The following PLPP4 variants were observed in gnomAD, a reference collection of about 807,000 sequenced individuals.
The protein encoded by PLPP4 is diacylglycerol pyrophosphate like 2.
Under a neutral mutation model 32.2 loss-of-function variants are expected in PLPP4, and 20 were observed. The observed-to-expected ratio is 0.62, with a 90% CI of 0.44 to 0.90. PLPP4 has a LOEUF of 0.90. PLPP4 is among the 40% of genes least tolerant of loss of function. The pLI is 0.00. For synonymous variants in PLPP4, 127 were observed against 133.0 expected (o/e 0.95, Z 0.31); for missense variants, 257 against 353.1 (o/e 0.73, Z 2.18).
chr10:120,504,886 A>C (rs1845423809), intron 2 of PLPP4, among the ~76,000 whole-genome samples: 1 of 152,194 alleles, frequency 6.6e-6, no homozygotes, highest in Non-Finnish European at 1.5e-5. Context: ...CTGTGCTTCA[A>C]CCTCTTGAGA....
rs1441278709 is a variant in PLPP4 at position 120,484,619 on chromosome 10, A to T, written c.57-19199A>T. On this transcript the variant is annotated intron_variant, in intron 1 of 6. Coordinates refer to ENST00000398250, the MANE Select transcript of PLPP4 (RefSeq NM_001030059.3). Reference sequence around the variant, plus strand: ...TACCTCTTAAAGTTCCCATGTCTTAATATGCTGCATTAGGGATCAAGTTTG... The same window carrying T: ...TACCTCTTAAAGTTCCCATGTCTTATTATGCTGCATTAGGGATCAAGTTTG... Among the ~76,000 whole-genome samples the T allele has an allele frequency of 3.3e-5, 5 of 152,216 alleles. No homozygotes were observed. The East Asian group carries it at 9.6e-4, about 29-fold the overall frequency.
At chr10:120,565,753 TTTC>T (rs2134025217) in intron 5 of PLPP4, among the ~76,000 whole-genome samples, 2 of 152,272 alleles carry the variant, frequency 1.3e-5, no homozygotes, top group South Asian at 2.1e-4. Flanking sequence ...TACTTGAATA[TTTC>T]TTCTTCTCCA....
intron 5 of PLPP4, among the ~76,000 whole-genome samples, chr10:120,573,848 A>G (rs754619477): frequency 6.6e-6 from 1 of 152,122 alleles, no homozygotes; most frequent in Non-Finnish European, 1.5e-5. Flanking sequence ...GAGGATCTGC[A>G]TTTGTCACAA....
In PLPP4 at chr10:120,546,926, T is replaced by C. The variant is rs1404846295; in HGVS notation, c.445+25831T>C. ...AAGAATTAAAAGCACAGTTCTATGA[T>C]TGTTTTCAGCACTGGATAATTTGTT... is the stretch of plus-strand genomic sequence containing the variant. On this transcript the variant is annotated intron_variant, in intron 5 of 6. Coordinates refer to ENST00000398250, the MANE Select transcript of PLPP4 (RefSeq NM_001030059.3). 9.8e-5 allele frequency among the ~76,000 whole-genome samples: 15 copies of C among 152,346 alleles called. No individual in the cohort carries two copies. The South Asian group carries it at 2.7e-3, about 27-fold the overall frequency.
chr10:120,529,515 G>GAA, intron 5 of PLPP4, among the ~76,000 whole-genome samples: 1 of 151,990 alleles, frequency 6.6e-6, no homozygotes, highest in East Asian at 1.9e-4. Context: ...TGATTTCTAT[G>GAA]AAAAAAAGAT....
At chr10:120,554,317 A>G (rs751882575) in intron 5 of PLPP4, among the ~76,000 whole-genome samples, 2 of 152,152 alleles carry the variant, frequency 1.3e-5, no homozygotes, top group African/African-American at 4.8e-5. Flanking sequence ...TAATTTTCAA[A>G]AAGTTCCTCA....
chr10:120,540,809 C>T (rs1322363346), intron 5 of PLPP4, among the ~76,000 whole-genome samples: 2 of 152,168 alleles, frequency 1.3e-5, no homozygotes, highest in African/African-American at 2.4e-5. Context: ...ACAATTACTT[C>T]TGAAGGAAGA....
At position 120,522,107 on chromosome 10, in the gene PLPP4, G is replaced by A. The variant is rs117255253; in HGVS notation, c.445+1012G>A. On this transcript the variant is annotated intron_variant, in intron 5 of 6. Coordinates refer to ENST00000398250, the MANE Select transcript of PLPP4 (RefSeq NM_001030059.3). ...TAATTGGAGAACTATGGTCACAGGT[G>A]ACCATCTTGAATAGGACAGGCTCTT... Among the ~76,000 whole-genome samples, 526 of 152,278 alleles carry A rather than the reference G, an allele frequency of 3.5e-3. 2 individuals are homozygous for A. Among genetic ancestry groups the A allele is most frequent in the Non-Finnish European group, 6.4e-3 (432 of 68,020 alleles).
At chr10:120,557,962 G>A (rs1848235803) in intron 5 of PLPP4, among the ~76,000 whole-genome samples, 1 of 151,888 alleles carries the variant, frequency 6.6e-6, no homozygotes, top group Non-Finnish European at 1.5e-5. Flanking sequence ...ACAGTGAAAT[G>A]TATGTACAAA....
Position 120,575,300 on chromosome 10 carries a change from A to G in PLPP4, c.615A>G (p.Gln205=). 2 of 1,613,518 alleles carry G rather than the reference A, an allele frequency of 1.2e-6. No homozygotes were observed. Among genetic ancestry groups the G allele is most frequent in the Non-Finnish European group, 1.7e-6 (2 of 1,179,594 alleles). ...TGTGCGACTACAAGCATCACTGGCA[A>G]GGTGAGTCCCTGCCCAGGGCCTGAC... ...SRMCDYKHHW[Q]DSFVGGVIGL... Residue 205 remains glutamine (Q), a splice_region_variant and synonymous_variant, in exon 6 of 7, where the codon CAA becomes CAG. Transcript: ENST00000398250.
chr10:120,562,922 C>T (rs1202212276), intron 5 of PLPP4, among the ~76,000 whole-genome samples: 1 of 152,058 alleles, frequency 6.6e-6, no homozygotes, highest in African/African-American at 2.4e-5. Flanking sequence ...CCTACAAAAT[C>T]CATGAAAATT....
intron 6 of PLPP4, among the ~76,000 whole-genome samples, chr10:120,583,417 G>A (rs1192541264): frequency 1.3e-5 from 2 of 152,000 alleles, no homozygotes; most frequent in Non-Finnish European, 2.9e-5. Context: ...CTCATCTGGT[G>A]TCAATTCTCT....
chr10:120,503,729 C>G (rs1003509593), intron 1 of PLPP4, 89 bp from the exon 2 acceptor site: 42 of 1,592,046 alleles, frequency 2.6e-5, no homozygotes, highest in South Asian at 2.0e-4. Flanking sequence ...GATTCCCACC[C>G]TGAGGGTGCA....
intron 2 of PLPP4, among the ~76,000 whole-genome samples, chr10:120,506,950 A>G (rs1225174678): frequency 6.6e-6 from 1 of 152,234 alleles, no homozygotes; most frequent in African/African-American, 2.4e-5. Context: ...AGTCTTGCTT[A>G]ACATTTCTGG....
Position 120,575,307 on chromosome 10 carries a change from T to TC in PLPP4, c.616+9dup. ...CTACAAGCATCACTGGCAAGGTGAGTCCCTGCCCAGGGCCTGACTAGTCCT... is the reference window on the plus strand; with the variant it reads ...CTACAAGCATCACTGGCAAGGTGAGTCCCCTGCCCAGGGCCTGACTAGTCCT... On this transcript the variant is annotated splice_region_variant and intron_variant, in intron 6 of 6. Transcript: ENST00000398250. 1 of 1,612,946 alleles carries TC rather than the reference T, an allele frequency of 6.2e-7. No individual in the cohort carries two copies. Among genetic ancestry groups the TC allele is most frequent in the Non-Finnish European group, 8.5e-7 (1 of 1,179,226 alleles).
rs148749528 is a variant in PLPP4, at chr10:120,546,323, C to G, written c.445+25228C>G. ...AAATGGACCTGCATTCTATACCTCC[C>G]CTGTCCCCCAACCTGCTATAGAGCC... On this transcript the variant is annotated intron_variant, in intron 5 of 6. Transcript: ENST00000398250. Among the ~76,000 whole-genome samples the G allele has an allele frequency of 4.5e-3, 683 of 152,242 alleles. 8 individuals are homozygous for G. Among genetic ancestry groups the G allele is most frequent in the African/African-American group, 0.016 (656 of 41,558 alleles).
At chr10:120,533,533 T>C (rs2133942362) in intron 5 of PLPP4, among the ~76,000 whole-genome samples, 1 of 152,298 alleles carries the variant, frequency 6.6e-6, no homozygotes, top group East Asian at 1.9e-4. Flanking sequence ...TAGTCAAATT[T>C]ATCTATTTTT....
intron 1 of PLPP4, among the ~76,000 whole-genome samples, chr10:120,496,798 T>C (rs1364579017): frequency 6.6e-6 from 1 of 152,128 alleles, no homozygotes; most frequent in Non-Finnish European, 1.5e-5. Context: ...AAGACACATA[T>C]CCTGGGGTCT....
intron 5 of PLPP4, among the ~76,000 whole-genome samples, chr10:120,572,849 G>A (rs990636835): frequency 6.6e-6 from 1 of 152,206 alleles, no homozygotes; most frequent in Non-Finnish European, 1.5e-5. Flanking sequence ...TGGCCAGATA[G>A]GGCCACTTTG....
Sources: allele counts gnomAD v4.1 joint callset (sites outside exome capture counted in the v4.1 genomes callset), GRCh38; gene constraint gnomAD v4.1.1; transcripts MANE v1.5; gene names NCBI Gene and HGNC (gene_info 2026-07-23, HGNC 2026-07-21).